The following SSPN variants were observed in gnomAD, a reference collection of about 807,000 sequenced individuals.
The protein encoded by SSPN is K-ras oncogene-associated protein.
Under a neutral mutation model 19.1 loss-of-function variants are expected in SSPN, and 15 were observed. The observed-to-expected ratio is 0.78, with a 90% CI of 0.52 to 1.21. The LOEUF is 1.21. Ranked by LOEUF, SSPN falls within the 50% of genes most tolerant of loss-of-function variation. The pLI, the probability that SSPN is intolerant of heterozygous loss-of-function variation, is 0.00. For missense variants in SSPN, 291 were observed against 314.0 expected (o/e 0.93, Z 0.55); for synonymous variants, 147 against 140.3 (o/e 1.05, Z -0.34).
intron 1 of SSPN, among the ~76,000 whole-genome samples, chr12:26,201,019 ATATATATATATATATATATATATATAT>A (rs1487603049): frequency 2.2e-5 from 1 of 44,810 alleles, no homozygotes; most frequent in Non-Finnish European, 3.9e-5. Context: ...GTGTATATAT[ATATATATATATATATATATATATATAT>A]TATATATATA....
intron 1 of SSPN, among the ~76,000 whole-genome samples, chr12:26,168,047 C>G (rs1944631723): frequency 6.6e-6 from 1 of 151,824 alleles, no homozygotes; most frequent in Non-Finnish European, 1.5e-5. Context: ...AACCCCATCT[C>G]TACAAAAAAT....
At chr12:26,224,214 A>C in intron 1 of SSPN, 79 bp from the exon 2 acceptor site, 1 of 951,276 alleles carries the variant, frequency 1.1e-6, no homozygotes, top group Non-Finnish European at 1.7e-6. Context: ...ATGTGACTGC[A>C]GGAAGATACT....
At chr12:26,162,496 G>A (rs1413378810) in intron 1 of SSPN, among the ~76,000 whole-genome samples, 1 of 152,176 alleles carries the variant, frequency 6.6e-6, no homozygotes, top group Non-Finnish European at 1.5e-5. Context: ...TGGATAACTG[G>A]TTACTAGAGA....
At chr12:26,164,846 C>A (rs1944611023) in intron 1 of SSPN, among the ~76,000 whole-genome samples, 1 of 152,206 alleles carries the variant, frequency 6.6e-6, no homozygotes, top group African/African-American at 2.4e-5. Flanking sequence ...GAACCAGTCA[C>A]ACATTTACTG....
chr12:26,150,826 G>C (rs1944521276), intron 1 of SSPN, among the ~76,000 whole-genome samples: 1 of 152,146 alleles, frequency 6.6e-6, no homozygotes, highest in South Asian at 2.1e-4. Context: ...TGGGATTTGT[G>C]ATGTATTCTG....
intron 1 of SSPN, among the ~76,000 whole-genome samples, chr12:26,137,636 G>GTATATATATATATATATA (rs35349803): frequency 2.0e-3 from 63 of 31,374 alleles, no homozygotes; most frequent in South Asian, 4.6e-3. Flanking sequence ...GTGTGTGTAT[G>GTATATATATATATATATA]TATATATATA....
chr12:26,205,221 C>A (rs1345924097), intron 1 of SSPN, among the ~76,000 whole-genome samples: 3 of 152,142 alleles, frequency 2.0e-5, no homozygotes, highest in Non-Finnish European at 4.4e-5. Flanking sequence ...CTGGAGGAAG[C>A]GCTTTTAAGT....
chr12:26,227,549 T>G (rs1386634145), intron 2 of SSPN, among the ~76,000 whole-genome samples: 1 of 152,234 alleles, frequency 6.6e-6, no homozygotes, highest in African/African-American at 2.4e-5. Flanking sequence ...GAATGCATTG[T>G]TACTCCCACA....
intron 1 of SSPN, among the ~76,000 whole-genome samples, chr12:26,200,840 C>A (rs1429005011): frequency 6.6e-6 from 1 of 151,328 alleles, no homozygotes; most frequent in Non-Finnish European, 1.5e-5. Context: ...ATGGCAACTG[C>A]CACAGGATTG....
At chr12:26,222,000 A>G (rs989063962) in intron 1 of SSPN, among the ~76,000 whole-genome samples, 3 of 152,240 alleles carry the variant, frequency 2.0e-5, no homozygotes, top group African/African-American at 7.2e-5. Context: ...CTTTACAAAA[A>G]AGCTTCATCC....
chr12:26,125,057 G>A (rs1361877652), intron 1 of SSPN: 12 of 533,810 alleles, frequency 2.2e-5, no homozygotes, highest in Non-Finnish European at 1.7e-5. Context: ...CACGCGCGTC[G>A]CCGGCCAGAC....
intron 2 of SSPN, among the ~76,000 whole-genome samples, chr12:26,228,174 T>C (rs1945195843): frequency 6.6e-6 from 1 of 151,940 alleles, no homozygotes; most frequent in Non-Finnish European, 1.5e-5. Flanking sequence ...GTCAGGAGGA[T>C]CACTTGAGGT....
intron 1 of SSPN, chr12:26,124,950 C>A: frequency 1.4e-6 from 1 of 715,864 alleles, no homozygotes. Flanking sequence ...CCCCCCTCCA[C>A]CGCGCTCGCA....
intron 1 of SSPN, among the ~76,000 whole-genome samples, chr12:26,198,725 A>G (rs917312642): frequency 6.6e-6 from 1 of 152,178 alleles, no homozygotes; most frequent in African/African-American, 2.4e-5. Flanking sequence ...GTTACTCTTT[A>G]GCAATCACAG....
chr12:26,143,283 A>G (rs1944471075), intron 1 of SSPN, among the ~76,000 whole-genome samples: 1 of 152,250 alleles, frequency 6.6e-6, no homozygotes, highest in Non-Finnish European at 1.5e-5. Flanking sequence ...TGATCATCAT[A>G]AGCTCCTGTG....
intron 1 of SSPN, among the ~76,000 whole-genome samples, chr12:26,201,083 A>G (rs1416957250): frequency 1.4e-5 from 2 of 139,382 alleles, no homozygotes; most frequent in East Asian, 4.0e-4. Flanking sequence ...GGAATATTCA[A>G]GAATTTGGTG....
intron 1 of SSPN, among the ~76,000 whole-genome samples, chr12:26,138,033 C>A (rs1003864090): frequency 7.9e-5 from 12 of 152,030 alleles, no homozygotes; most frequent in African/African-American, 2.9e-4. Flanking sequence ...CCTCCCCCGA[C>A]CCCATGATAC....
In SSPN at chr12:26,224,382, A is replaced by AAGTTG; in HGVS notation, c.366+4_366+8dup. On this transcript the variant is annotated splice_donor_region_variant and intron_variant, in intron 2 of 2. Transcript: ENST00000242729. ...CATGTATTCAATTTTCTATGAAAGTAAGTTGTGATTGTTCTTTCTCTTTTA... is the reference window on the plus strand; with the variant it reads ...CATGTATTCAATTTTCTATGAAAGTAAGTTGAGTTGTGATTGTTCTTTCTCTTTTA... 6.2e-7 allele frequency: 1 copy of AAGTTG among 1,604,736 alleles called. No homozygotes were observed.
chr12:26,123,131 C>CA, intron 1 of SSPN: 2 of 1,607,164 alleles, frequency 1.2e-6, no homozygotes, highest in Non-Finnish European at 1.7e-6. Context: ...GGAACGCATC[C>CA]AAGTCGGACT....
Sources: allele counts gnomAD v4.1 joint callset (sites outside exome capture counted in the v4.1 genomes callset), GRCh38; gene constraint gnomAD v4.1.1; transcripts MANE v1.5; gene names NCBI Gene and HGNC (gene_info 2026-07-23, HGNC 2026-07-21).